OPCML: variants seen among roughly 807,000 people sequenced by gnomAD.
The protein encoded by OPCML is opioid binding protein/cell adhesion molecule like, also known as opioid-binding protein/cell adhesion molecule.
OPCML carries 13 observed loss-of-function variants against 37.8 expected under a neutral mutation model. That is an observed-to-expected ratio of 0.34 (90% CI 0.22 to 0.55). The LOEUF (loss-of-function observed/expected upper bound fraction) is 0.55. Among genes scored for constraint, OPCML ranks in the 20% least tolerant of loss-of-function variants. OPCML has a pLI of 0.91. For missense variants in OPCML, 341 were observed against 435.6 expected (o/e 0.78, Z 1.93); for synonymous variants, 176 against 168.8 (o/e 1.04, Z -0.33).
At chr11:133,383,076 C>G (rs1944966334) in intron 1 of OPCML, among the ~76,000 whole-genome samples, 1 of 151,928 alleles carries the variant, frequency 6.6e-6, no homozygotes, top group African/African-American at 2.4e-5. Flanking sequence ...TTAATAACAC[C>G]AACATCCTCC....
At chr11:132,875,723 A>G (rs1017747754) in intron 2 of OPCML, among the ~76,000 whole-genome samples, 1 of 152,102 alleles carries the variant, frequency 6.6e-6, no homozygotes, top group Non-Finnish European at 1.5e-5. Context: ...TCGGCCTCCC[A>G]AAGTGCTGGG....
intron 7 of OPCML, among the ~76,000 whole-genome samples, chr11:132,429,034 G>GGGATGGATGGATGGATGGAGGGAT (rs2095987394): frequency 6.8e-6 from 1 of 146,470 alleles, no homozygotes; most frequent in African/African-American, 2.5e-5. Flanking sequence ...AATGGATGGA[G>GGGATGGATGGATGGATGGAGGGAT]GGATGGATGG....
rs550530992 is a variant in OPCML at position 133,310,305 on chromosome 11, ATCTC to A, written c.61+221955_61+221958del. Among the ~76,000 whole-genome samples the A allele has an allele frequency of 1.3e-3, 195 of 151,874 alleles. 1 individual carries two copies. Among genetic ancestry groups the A allele is most frequent in the African/African-American group, 4.6e-3 (189 of 41,412 alleles). ...CATGCACAAATTAATGAAGAAATGAATCTCTCTCCTTGGACGTGGGGATTATATG... is the reference window on the plus strand; with the variant it reads ...CATGCACAAATTAATGAAGAAATGAATCTCCTTGGACGTGGGGATTATATG... On this transcript the variant is annotated intron_variant, in intron 1 of 7. Transcript: ENST00000524381.
chr11:132,786,240 A>G (rs558075637), intron 2 of OPCML, among the ~76,000 whole-genome samples: 2 of 152,364 alleles, frequency 1.3e-5, no homozygotes, highest in Non-Finnish European at 2.9e-5. Context: ...AATACCGTTC[A>G]TTAACTTTAG....
chr11:133,123,713 C>A (rs1022548403), intron 1 of OPCML, among the ~76,000 whole-genome samples: 1 of 152,012 alleles, frequency 6.6e-6, no homozygotes, highest in African/African-American at 2.4e-5. Flanking sequence ...AAGGTCACCG[C>A]CTCCTGAGTG....
rs987419065 is a variant in OPCML at position 132,943,394 on chromosome 11, C to T, written c.62-384G>A. On this transcript the variant is annotated intron_variant, in intron 1 of 7. Coordinates refer to ENST00000524381, the MANE Select transcript of OPCML (RefSeq NM_001012393.5). This position sits in a 1 kb window ranked among gnomAD's most constrained non-coding sequence, Gnocchi z 4.3. Reference sequence around the variant, plus strand: ...GGAGGGGAGAGGAAGAAGCAAGGTGCGGGGATGAAGGTCACAGATTGCGCT... The same window carrying T: ...GGAGGGGAGAGGAAGAAGCAAGGTGTGGGGATGAAGGTCACAGATTGCGCT... The T allele has an allele frequency of 1.1e-4, 51 of 456,678 alleles. No individual in the cohort carries two copies. The highest frequency in any genetic ancestry group is 1.6e-4 in the Non-Finnish European group (41 of 250,318). The allele number at this position is 456,678 out of a possible 1,614,324, so 28.3% of individuals were successfully genotyped here.
In OPCML at chr11:132,451,748, A is replaced by T. The variant is rs138575209; in HGVS notation, c.506-14389T>A. Among the ~76,000 whole-genome samples, 90 of 152,274 alleles carry T rather than the reference A, an allele frequency of 5.9e-4. No individual in the cohort carries two copies. The East Asian group carries it at 0.016, about 27-fold the overall frequency. ...GTGGAAGGTGTGGGCCATCCATCCC[A>T]TCAGAACCTCATGTAGATTGGTGGA... On this transcript the variant is annotated intron_variant, in intron 4 of 7. Coordinates refer to ENST00000524381, the MANE Select transcript of OPCML (RefSeq NM_001012393.5).
intron 1 of OPCML, among the ~76,000 whole-genome samples, chr11:133,446,144 C>A (rs571759408): frequency 6.6e-6 from 1 of 152,258 alleles, no homozygotes; most frequent in African/African-American, 2.4e-5. Flanking sequence ...GAAGCTCAGA[C>A]AATGTCACTC....
intron 4 of OPCML, among the ~76,000 whole-genome samples, chr11:132,492,454 G>A (rs1420601269): frequency 6.6e-6 from 1 of 152,110 alleles, no homozygotes; most frequent in African/African-American, 2.4e-5. Context: ...TGGAATCAAG[G>A]ATGACACCAT....
intron 1 of OPCML, chr11:133,423,195 G>T: frequency 1.0e-6 from 1 of 985,252 alleles, no homozygotes; most frequent in Non-Finnish European, 1.2e-6. Context: ...TTATTCTTCA[G>T]TACTCAATCA....
At chr11:133,071,568 G>C (rs1437289434) in intron 1 of OPCML, among the ~76,000 whole-genome samples, 1 of 152,188 alleles carries the variant, frequency 6.6e-6, no homozygotes, top group Non-Finnish European at 1.5e-5. Flanking sequence ...ATGGCTCTGT[G>C]CTAGCACTGC....
chr11:132,503,640 G>T (rs2096250424), intron 4 of OPCML, among the ~76,000 whole-genome samples: 1 of 152,088 alleles, frequency 6.6e-6, no homozygotes, highest in East Asian at 1.9e-4. Context: ...CAATAAGTGA[G>T]ATCTTGAAAA....
At chr11:133,200,596 AG>A (rs1433313911) in intron 1 of OPCML, among the ~76,000 whole-genome samples, 3 of 152,222 alleles carry the variant, frequency 2.0e-5, no homozygotes, top group Admixed American at 2.0e-4. Context: ...GATATATACT[AG>A]GACATAGACA....
chr11:133,456,514 C>T (rs952914551), intron 1 of OPCML, among the ~76,000 whole-genome samples: 2 of 151,480 alleles, frequency 1.3e-5, no homozygotes, highest in Non-Finnish European at 2.9e-5. Context: ...ATAAAAGGAA[C>T]AAAATAATTT....
At chr11:133,045,172 G>A (rs1457757482) in intron 1 of OPCML, among the ~76,000 whole-genome samples, 4 of 152,168 alleles carry the variant, frequency 2.6e-5, no homozygotes, top group Non-Finnish European at 5.9e-5. Context: ...GGTTCCCGAA[G>A]CAATTCCTCC....
intron 7 of OPCML, among the ~76,000 whole-genome samples, chr11:132,430,381 G>A (rs1241797275): frequency 6.6e-6 from 1 of 152,216 alleles, no homozygotes; most frequent in Non-Finnish European, 1.5e-5. Flanking sequence ...TCAGCAAAGG[G>A]CAGATGAGAG....
At chr11:133,525,096 C>T (rs1244430765) in intron 1 of OPCML, among the ~76,000 whole-genome samples, 3 of 152,200 alleles carry the variant, frequency 2.0e-5, no homozygotes, top group Non-Finnish European at 4.4e-5. Flanking sequence ...GAAAGAGAGA[C>T]ATAAAACCAA....
At chr11:132,657,026 A>T in intron 3 of OPCML, 61 bp downstream of exon 3, 9 of 1,583,226 alleles carry the variant, frequency 5.7e-6, no homozygotes, top group Non-Finnish European at 7.7e-6. Context: ...ACAAACACCA[A>T]CACTGTTCTT....
chr11:133,218,534 C>T (rs1037571033), intron 1 of OPCML, among the ~76,000 whole-genome samples: 12 of 152,304 alleles, frequency 7.9e-5, no homozygotes, highest in African/African-American at 2.4e-4. Context: ...AAAACAAAGA[C>T]GGTGAACTAG....
Sources: gnomAD v4.1 joint callset for allele counts (sites outside exome capture counted in the v4.1 genomes callset) on GRCh38, gnomAD v4.1.1 for gene constraint, Gnocchi (gnomAD v3.1) non-coding constraint, MANE v1.5 for transcripts, NCBI Gene and HGNC (gene_info 2026-07-23, HGNC 2026-07-21) for gene names.